Variants in SLC25A21 observed in about 807,000 individuals in gnomAD.
SLC25A21 encodes mitochondrial 2-oxodicarboxylate carrier.
In SLC25A21, 47 loss-of-function variants were observed where a neutral mutation model predicts 43.8. The ratio of observed to expected loss-of-function variants is 1.07; its 90% CI spans 0.85 to 1.37. The LOEUF (loss-of-function observed/expected upper bound fraction) is 1.37, where lower values mean the gene tolerates loss of function less well. Among genes scored for constraint, SLC25A21 ranks in the 40% most tolerant of loss-of-function variants. SLC25A21 has a pLI of 0.00. For missense variants in SLC25A21, 352 were observed against 350.2 expected, an observed-to-expected ratio of 1.00 and a Z score of -0.04; for synonymous variants, 131 against 121.3, an observed-to-expected ratio of 1.08 and a Z score of -0.52.
chr14:36,936,354 C>T (rs1892424104), intron 1 of SLC25A21, among the ~76,000 whole-genome samples: 2 of 152,070 alleles, frequency 1.3e-5, no homozygotes, highest in Non-Finnish European at 2.9e-5. Context: ...CCACCCCTCT[C>T]CATCTCCCGG....
chr14:36,814,221 A>C (rs1478613277), intron 2 of SLC25A21, among the ~76,000 whole-genome samples: 1 of 152,210 alleles, frequency 6.6e-6, no homozygotes, highest in Non-Finnish European at 1.5e-5. Flanking sequence ...TAGAAAAAAA[A>C]TGTATTTTCA....
At chr14:36,813,417 T>C (rs1323317002) in intron 3 of SLC25A21, among the ~76,000 whole-genome samples, 6 of 151,892 alleles carry the variant, frequency 4.0e-5, no homozygotes, top group Non-Finnish European at 8.8e-5. Flanking sequence ...CGGAGTGCAG[T>C]GGCGCAATCC....
In SLC25A21 at chr14:37,152,971, C is replaced by G. The variant is rs540386947; in HGVS notation, c.70+19310G>C. On this transcript the variant is annotated intron_variant, in intron 1 of 9. Coordinates refer to ENST00000331299, the MANE Select transcript of SLC25A21 (RefSeq NM_030631.4). ...CTCAACACAGAAGAGACAGGAAACA[C>G]CAAAAGTGGGGAAGGAGGAAAAGAG... is the stretch of plus-strand genomic sequence containing the variant. Among the ~76,000 whole-genome samples, 5 of 152,214 alleles carry G rather than the reference C, an allele frequency of 3.3e-5. No homozygotes were observed. The South Asian group carries it at 1.0e-3, about 32-fold the overall frequency.
intron 1 of SLC25A21, among the ~76,000 whole-genome samples, chr14:37,052,945 G>A (rs1961741319): frequency 6.6e-6 from 1 of 152,104 alleles, no homozygotes; most frequent in South Asian, 2.1e-4. Flanking sequence ...GCCAACACAA[G>A]CCTAATTTTA....
At chr14:36,801,919 A>T (rs565153355) in intron 3 of SLC25A21, among the ~76,000 whole-genome samples, 102 of 152,298 alleles carry the variant, frequency 6.7e-4, no homozygotes, top group South Asian at 1.2e-3. Flanking sequence ...TGGTCTTCCT[A>T]AGCCTTCACA....
intron 1 of SLC25A21, among the ~76,000 whole-genome samples, chr14:37,101,825 C>T (rs1199584481): frequency 6.6e-6 from 1 of 152,090 alleles, no homozygotes; most frequent in African/African-American, 2.4e-5. Flanking sequence ...GTGGTTACGT[C>T]TGTGTAATTA....
chr14:36,712,558 A>G (rs1167103842), intron 6 of SLC25A21, among the ~76,000 whole-genome samples: 1 of 152,202 alleles, frequency 6.6e-6, no homozygotes, highest in Non-Finnish European at 1.5e-5. Context: ...TATAATAGCT[A>G]TGTAATTAAT....
intron 1 of SLC25A21, among the ~76,000 whole-genome samples, chr14:37,106,301 G>C (rs117429010): frequency 1.5e-4 from 23 of 152,210 alleles, no homozygotes; most frequent in Non-Finnish European, 3.1e-4. Context: ...GCAAGTAGGA[G>C]AGATATTGCT....
chr14:37,095,510 T>A (rs1962671929), intron 1 of SLC25A21, among the ~76,000 whole-genome samples: 1 of 152,060 alleles, frequency 6.6e-6, no homozygotes, highest in African/African-American at 2.4e-5. Flanking sequence ...AGAGCAAGAC[T>A]CCATCTCGAC....
At chr14:36,731,935 G>A (rs1381370523) in intron 4 of SLC25A21, among the ~76,000 whole-genome samples, 1 of 152,160 alleles carries the variant, frequency 6.6e-6, no homozygotes. Flanking sequence ...GGGCCTGAAA[G>A]TATCCCAAGG....
rs944351661 is a variant in SLC25A21, at chr14:36,704,667, A to C, written c.603+6651T>G. Among the ~76,000 whole-genome samples, 72 of 151,888 alleles carry C rather than the reference A, an allele frequency of 4.7e-4. 1 individual carries two copies. Among genetic ancestry groups the C allele is most frequent in the Non-Finnish European group, 8.8e-5 (6 of 67,916 alleles). On this transcript the variant is annotated intron_variant, in intron 7 of 9. Coordinates refer to ENST00000331299, the MANE Select transcript of SLC25A21 (RefSeq NM_030631.4). ...GCGAGACTCCGTCTCAAAAAAAAAAAAAAACAAAAAAGAGAAAACAAAAAC... is the reference window on the plus strand; with the variant it reads ...GCGAGACTCCGTCTCAAAAAAAAAACAAAACAAAAAAGAGAAAACAAAAAC...
At chr14:37,007,675 T>C (rs1397253973) in intron 1 of SLC25A21, among the ~76,000 whole-genome samples, 1 of 151,784 alleles carries the variant, frequency 6.6e-6, no homozygotes, top group African/African-American at 2.4e-5. Context: ...AGAAATCTAT[T>C]TCTCTTGGTA....
chr14:36,736,467 T>C (rs986118576), intron 3 of SLC25A21, among the ~76,000 whole-genome samples: 6 of 152,234 alleles, frequency 3.9e-5, no homozygotes, highest in Admixed American at 6.5e-5. Flanking sequence ...CTATGTAATT[T>C]TTGGCATAAA....
At position 36,683,847 on chromosome 14, in the gene SLC25A21, C is replaced by T. The variant is rs2139138332; in HGVS notation, c.819G>A (p.Lys273=). 1 of 1,606,658 alleles carries T rather than the reference C, an allele frequency of 6.2e-7. No homozygotes were observed. The highest frequency in any genetic ancestry group is 1.1e-5 in the South Asian group (1 of 89,584). The change falls in exon 9 of 10, where the codon AAG becomes AAA. Residue 273 remains lysine (K), a synonymous_variant. Coordinates refer to ENST00000331299, the MANE Select transcript of SLC25A21 (RefSeq NM_030631.4). The part of the protein sequence containing the change: ...ILALYKGLLP[K]IMRLGPGGAV... ...CATTACCTGGTCCAAGTCTCATAAT[C>T]TTGGGAAGCAGGCCTTTGTACAAAG...
chr14:36,813,749 T>C (rs1888354033), intron 3 of SLC25A21, among the ~76,000 whole-genome samples, 169 bp downstream of exon 3: 1 of 151,512 alleles, frequency 6.6e-6, no homozygotes, highest in Non-Finnish European at 1.5e-5. Context: ...TAGTTTCCAT[T>C]ATATATATAT....
chr14:36,966,998 A>T (rs1222310371), intron 1 of SLC25A21, among the ~76,000 whole-genome samples: 1 of 152,166 alleles, frequency 6.6e-6, no homozygotes, highest in African/African-American at 2.4e-5. Flanking sequence ...ATATATATGT[A>T]TATCCCCTTA....
chr14:37,048,016 C>G (rs1961624873), intron 1 of SLC25A21, among the ~76,000 whole-genome samples: 1 of 152,140 alleles, frequency 6.6e-6, no homozygotes, highest in Non-Finnish European at 1.5e-5. Context: ...CCCATCACAG[C>G]TATCCAAAGA....
chr14:36,724,240 C>T (rs937668071), intron 6 of SLC25A21, among the ~76,000 whole-genome samples: 1 of 152,234 alleles, frequency 6.6e-6, no homozygotes, highest in Non-Finnish European at 1.5e-5. Flanking sequence ...TGAATTAGGA[C>T]TGACTTCATC....
intron 3 of SLC25A21, among the ~76,000 whole-genome samples, chr14:36,769,891 G>A (rs1886552833): frequency 6.6e-6 from 1 of 152,048 alleles, no homozygotes; most frequent in Non-Finnish European, 1.5e-5. Context: ...ACCATATTTA[G>A]TGTTGTATCC....
Sources: gnomAD v4.1 joint callset for allele counts (sites outside exome capture counted in the v4.1 genomes callset) on GRCh38, gnomAD v4.1.1 for gene constraint, MANE v1.5 for transcripts, NCBI Gene and HGNC (gene_info 2026-07-23, HGNC 2026-07-21) for gene names.